The following TLK2 variants were observed in gnomAD, a reference collection of about 807,000 sequenced individuals.
TLK2 encodes tousled like kinase 2.
Under a neutral mutation model 117.3 loss-of-function variants are expected in TLK2, and 6 were observed. The ratio of observed to expected loss-of-function variants is 0.05; its 90% CI spans 0.03 to 0.10. TLK2 has a LOEUF of 0.10. TLK2 is among the 10% of genes least tolerant of loss of function. The probability of loss-of-function intolerance (pLI) is 1.00; values close to 1 mark genes in which losing one functional copy is unlikely to be tolerated. For synonymous variants in TLK2, 257 were observed against 316.7 expected (o/e 0.81, Z 2.00); for missense variants, 299 against 901.2 (o/e 0.33, Z 8.56).
At chr17:62,525,751 T>A (rs993415047) in intron 6 of TLK2, among the ~76,000 whole-genome samples, 10 of 152,198 alleles carry the variant, frequency 6.6e-5, no homozygotes, top group Non-Finnish European at 8.8e-5. Flanking sequence ...TGTCAGACCA[T>A]CCTTGGCCAT....
intron 2 of TLK2, among the ~76,000 whole-genome samples, chr17:62,512,882 TATTATTATTATTAGA>T (rs1376907781): frequency 6.8e-6 from 1 of 147,556 alleles, no homozygotes; most frequent in African/African-American, 2.5e-5. Context: ...TTATTATTAT[TATTATTATTATTAGA>T]GACGAAGTTT....
chr17:62,507,963 T>C (rs2074841220), intron 2 of TLK2, among the ~76,000 whole-genome samples: 1 of 152,090 alleles, frequency 6.6e-6, no homozygotes, highest in Non-Finnish European at 1.5e-5. Context: ...TTGTTCATCT[T>C]CTAAACTGTC....
intron 6 of TLK2, among the ~76,000 whole-genome samples, chr17:62,524,563 C>T (rs888707948): frequency 6.6e-6 from 1 of 152,166 alleles, no homozygotes; most frequent in African/African-American, 2.4e-5. Flanking sequence ...ACCTCTAATC[C>T]TACAGCTCAG....
At chr17:62,525,716 T>C (rs1475058602) in intron 6 of TLK2, among the ~76,000 whole-genome samples, 3 of 152,142 alleles carry the variant, frequency 2.0e-5, no homozygotes, top group African/African-American at 7.2e-5. Context: ...TCCCAAAGTG[T>C]TGAGATTACA....
intron 9 of TLK2, among the ~76,000 whole-genome samples, chr17:62,557,144 T>C (rs942310394): frequency 2.0e-5 from 3 of 152,148 alleles, no homozygotes; most frequent in African/African-American, 7.2e-5. Context: ...AGGCTGGTCT[T>C]GAACTCTTGG....
chr17:62,553,580 C>T (rs190924653), intron 8 of TLK2, 83 bp from the exon 9 acceptor site: 4 of 957,884 alleles, frequency 4.2e-6, no homozygotes, highest in African/African-American at 3.3e-5. Flanking sequence ...TTCCCACCCC[C>T]CCGAGAAAGG....
At chr17:62,544,915 T>C (rs1386643075) in intron 7 of TLK2, among the ~76,000 whole-genome samples, 1 of 152,236 alleles carries the variant, frequency 6.6e-6, no homozygotes, top group Non-Finnish European at 1.5e-5. Context: ...TATATTTCTT[T>C]TGTTAAAATT....
chr17:62,594,514 T>C (rs1043278333), intron 16 of TLK2, among the ~76,000 whole-genome samples: 10 of 152,214 alleles, frequency 6.6e-5, no homozygotes, highest in African/African-American at 2.4e-4. Context: ...AATTTTACCA[T>C]AGGCTAATTG....
At chr17:62,537,578 T>C (rs1281454966) in intron 7 of TLK2, among the ~76,000 whole-genome samples, 1 of 152,192 alleles carries the variant, frequency 6.6e-6, no homozygotes, top group Non-Finnish European at 1.5e-5. Flanking sequence ...AGTGTAGGTG[T>C]GTGTGTGCAA....
At chr17:62,483,064 T>C (rs1002629715) in intron 2 of TLK2, among the ~76,000 whole-genome samples, 8 of 152,212 alleles carry the variant, frequency 5.3e-5, no homozygotes, top group African/African-American at 1.9e-4. Context: ...CTAGGTGAAG[T>C]AGCTTCAAAT....
intron 6 of TLK2, among the ~76,000 whole-genome samples, chr17:62,527,988 G>A (rs1308511634): frequency 6.6e-6 from 1 of 152,232 alleles, no homozygotes; most frequent in Admixed American, 6.5e-5. Flanking sequence ...TGATCCGCCC[G>A]CCTCGGCCTC....
chr17:62,522,403 A>G (rs1366757809), intron 4 of TLK2, 130 bp downstream of exon 4: 3 of 1,009,426 alleles, frequency 3.0e-6, no homozygotes, highest in Admixed American at 2.7e-5. Context: ...TCTTAAGGGA[A>G]TATCAGACTG....
intron 1 of TLK2, among the ~76,000 whole-genome samples, chr17:62,479,747 A>C (rs1190639443): frequency 6.6e-6 from 1 of 152,138 alleles, no homozygotes; most frequent in Non-Finnish European, 1.5e-5. Flanking sequence ...CGGAGTGGCT[A>C]TTTCCTTAAC....
intron 19 of TLK2, among the ~76,000 whole-genome samples, chr17:62,603,681 G>A (rs1331319231): frequency 6.6e-6 from 1 of 152,076 alleles, no homozygotes; most frequent in Non-Finnish European, 1.5e-5. Flanking sequence ...GTGGAGATTG[G>A]CCACATGTTG....
chr17:62,473,024 AG>A (rs1241705401), intron 1 of TLK2, among the ~76,000 whole-genome samples: 2 of 152,166 alleles, frequency 1.3e-5, no homozygotes, highest in Non-Finnish European at 2.9e-5. Context: ...CAAACAGCCA[AG>A]CCCCCAACCC....
At chr17:62,580,453 T>TATG (rs10681172) in intron 15 of TLK2, among the ~76,000 whole-genome samples, 100,385 of 151,742 alleles carry the variant, frequency 0.66, 33,335 homozygotes, top group East Asian at 0.83. Flanking sequence ...GTCGTGGAAT[T>TATG]ATGATTTTTA....
intron 7 of TLK2, among the ~76,000 whole-genome samples, chr17:62,549,420 A>T (rs1316523319): frequency 6.7e-4 from 5 of 7,466 alleles, no homozygotes; most frequent in Non-Finnish European, 2.9e-3. Flanking sequence ...AAAAAAAAAA[A>T]AAAAAAAAAA....
At chr17:62,528,501 C>T (rs890141497) in intron 6 of TLK2, among the ~76,000 whole-genome samples, 2 of 152,132 alleles carry the variant, frequency 1.3e-5, no homozygotes, top group Admixed American at 6.5e-5. Context: ...ACTGCAACCT[C>T]AGCCTCCCGG....
chr17:62,564,496 A>G (rs1051557969), intron 10 of TLK2, among the ~76,000 whole-genome samples: 1 of 136,446 alleles, frequency 7.3e-6, no homozygotes, highest in African/African-American at 2.8e-5. Context: ...AGATCCCACC[A>G]CTGCACTCCA....
Sources: allele counts gnomAD v4.1 joint callset (sites outside exome capture counted in the v4.1 genomes callset), GRCh38; gene constraint gnomAD v4.1.1; transcripts MANE v1.5; gene names NCBI Gene and HGNC (gene_info 2026-07-23, HGNC 2026-07-21).